The following MGAT4C variants were observed in gnomAD, a reference collection of about 807,000 sequenced individuals.
MGAT4C encodes the protein alpha-1,3-mannosyl-glycoprotein 4-beta-N-acetylglucosaminyltransferase C.
Under a neutral mutation model 40.1 loss-of-function variants are expected in MGAT4C, and 19 were observed. The observed-to-expected ratio is 0.47, with a 90% CI of 0.33 to 0.70. The LOEUF (loss-of-function observed/expected upper bound fraction) is 0.70, where lower values mean the gene tolerates loss of function less well. Among genes scored for constraint, MGAT4C ranks in the 30% least tolerant of loss-of-function variants. MGAT4C has a pLI of 0.02. For synonymous variants in MGAT4C, 181 were observed against 187.1 expected (o/e 0.97, Z 0.27); for missense variants, 491 against 563.2 (o/e 0.87, Z 1.30).
In MGAT4C at chr12:86,671,166, A is replaced by G. The variant is rs190214954; in HGVS notation, c.-229+56043T>C. On this transcript the variant is annotated intron_variant, in intron 2 of 7. Coordinates refer to the MGAT4C transcript ENST00000548651. ...ATTTATTTAATGAGTTTTCTGAAATAGGCGATTCTGATGATTCAGACAATT... is the reference window on the plus strand; with the variant it reads ...ATTTATTTAATGAGTTTTCTGAAATGGGCGATTCTGATGATTCAGACAATT... Among the ~76,000 whole-genome samples, 854 of 152,320 alleles carry G rather than the reference A, an allele frequency of 5.6e-3. 4 individuals carry two copies. Among genetic ancestry groups the G allele is most frequent in the Non-Finnish European group, 9.0e-3 (610 of 68,012 alleles).
In MGAT4C at chr12:85,969,968, G is replaced by T. The variant is rs1883541188; in HGVS notation, c.*9321C>A. On this transcript the variant is annotated 3_prime_UTR_variant, in exon 5 of 5. Transcript: ENST00000611864. Reference sequence around the variant, plus strand: ...GGAACATATTTATGTAGTAAGCATTGTTCTTGGCTGAGCTTACATTAAGTG... The same window carrying T: ...GGAACATATTTATGTAGTAAGCATTTTTCTTGGCTGAGCTTACATTAAGTG... The T allele has an allele frequency of 6.6e-6, 1 of 151,328 alleles. No individual in the cohort carries two copies. Among genetic ancestry groups the T allele is most frequent in the Non-Finnish European group, 1.5e-5 (1 of 67,492 alleles). 9.4% of individuals were successfully genotyped at this position (151,328 alleles called of 1,614,324 possible).
rs923020940 is a variant in MGAT4C, at chr12:86,439,432, T to A, written c.-228-4167A>T. ...TCTAAAAACTATTCAAAATGAATGATAACAGTGACACAAGTTATCAAAACC... is the reference window on the plus strand; with the variant it reads ...TCTAAAAACTATTCAAAATGAATGAAAACAGTGACACAAGTTATCAAAACC... On this transcript the variant is annotated intron_variant, in intron 2 of 7. Transcript: ENST00000548651. Among the ~76,000 whole-genome samples the A allele has an allele frequency of 9.2e-5, 14 of 152,064 alleles. 1 individual carries two copies. The highest frequency in any genetic ancestry group is 3.4e-4 in the African/African-American group (14 of 41,534).
rs1042691395 is a variant in MGAT4C, at chr12:85,966,616, A to C, written c.*12673T>G. On this transcript the variant is annotated 3_prime_UTR_variant, in exon 5 of 5. Coordinates refer to ENST00000611864, the MANE Select transcript of MGAT4C (RefSeq NM_001351288.2). The stretch of plus-strand genomic sequence containing the variant: ...CATGCACACGTATGTTTATTGCGGC[A>C]CTATTCACAATAGCAAAGACTTGGA... 4 of 152,172 alleles carry C rather than the reference A, an allele frequency of 2.6e-5. No homozygotes were observed. Among genetic ancestry groups the C allele is most frequent in the African/African-American group, 9.7e-5 (4 of 41,446 alleles). 9.4% of individuals were successfully genotyped at this position (152,172 alleles called of 1,614,324 possible).
In MGAT4C at chr12:86,036,723, A is replaced by G. The variant is rs1217877423; in HGVS notation, c.-7+12951T>C. ...CAGTATTTTATTGATTTTTGCATCA[A>G]TGTTCATCAGGGATATTGGCCTGGA... On this transcript the variant is annotated intron_variant, in intron 2 of 4. Transcript: ENST00000611864. 2.0e-5 allele frequency among the ~76,000 whole-genome samples: 3 copies of G among 150,012 alleles called. 1 individual carries two copies. Among genetic ancestry groups the G allele is most frequent in the Admixed American group, 6.7e-5 (1 of 14,972 alleles).
chr12:86,488,189 T>C (rs1344040062), intron 2 of MGAT4C, among the ~76,000 whole-genome samples: 1 of 151,234 alleles, frequency 6.6e-6, no homozygotes, highest in East Asian at 1.9e-4. Context: ...CATAGTGAAT[T>C]CTCAGTATGT....
chr12:86,488,505 T>C (rs1958069055), intron 2 of MGAT4C, among the ~76,000 whole-genome samples: 1 of 152,054 alleles, frequency 6.6e-6, no homozygotes, highest in Admixed American at 6.6e-5. Context: ...TACAATGTCC[T>C]AGATTTTGTT....
intron 3 of MGAT4C, among the ~76,000 whole-genome samples, chr12:86,395,217 G>T (rs1011092786): frequency 9.2e-5 from 14 of 152,064 alleles, no homozygotes; most frequent in African/African-American, 3.4e-4. Context: ...GATCTAATCA[G>T]TTTCTTTTGC....
intron 1 of MGAT4C, among the ~76,000 whole-genome samples, chr12:86,798,080 T>G (rs1952162753): frequency 6.6e-6 from 1 of 151,876 alleles, no homozygotes; most frequent in Admixed American, 6.6e-5. Flanking sequence ...TCACATAATA[T>G]ATTTTCCCTA....
At chr12:86,084,946 A>G (rs1001738569) in intron 1 of MGAT4C, among the ~76,000 whole-genome samples, 5 of 152,032 alleles carry the variant, frequency 3.3e-5, no homozygotes, top group Admixed American at 2.0e-4. Flanking sequence ...GAAAATAGTA[A>G]GAGAGGTAGT....
chr12:86,132,791 C>CAACAAAA (rs1881407942), intron 1 of MGAT4C, among the ~76,000 whole-genome samples: 1 of 93,730 alleles, frequency 1.1e-5, no homozygotes, highest in Non-Finnish European at 2.0e-5. Flanking sequence ...GACTCCGTCT[C>CAACAAAA]AAAAAAAAAA....
intron 2 of MGAT4C, among the ~76,000 whole-genome samples, chr12:86,038,232 T>C (rs1184443261): frequency 1.3e-5 from 2 of 149,834 alleles, no homozygotes; most frequent in Non-Finnish European, 3.0e-5. Flanking sequence ...CATGTTCTTC[T>C]AGTTTAAGCT....
chr12:86,469,208 C>T (rs546895666), intron 2 of MGAT4C, among the ~76,000 whole-genome samples: 2 of 152,142 alleles, frequency 1.3e-5, no homozygotes, highest in East Asian at 3.9e-4. Context: ...CTGTGTTAGG[C>T]AACTTCTAGA....
chr12:86,586,110 CCCA>C (rs1194619547), intron 2 of MGAT4C, among the ~76,000 whole-genome samples: 1 of 116,608 alleles, frequency 8.6e-6, no homozygotes, highest in Non-Finnish European at 1.7e-5. Context: ...CTCCCCCCAC[CCCA>C]CAACAGTCCC....
chr12:86,425,042 C>A (rs988515591), intron 3 of MGAT4C, among the ~76,000 whole-genome samples: 22 of 152,180 alleles, frequency 1.4e-4, no homozygotes, highest in African/African-American at 4.1e-4. Context: ...AGCCGTGAGT[C>A]ACTGTGCCCG....
At chr12:86,184,465 T>G (rs1410545180) in intron 1 of MGAT4C, among the ~76,000 whole-genome samples, 8 of 152,220 alleles carry the variant, frequency 5.3e-5, no homozygotes, top group African/African-American at 1.9e-4. Context: ...TTTACAGTTT[T>G]TATACTCCTT....
intron 2 of MGAT4C, among the ~76,000 whole-genome samples, chr12:86,602,291 G>T (rs1961813447): frequency 6.6e-6 from 1 of 152,128 alleles, no homozygotes; most frequent in South Asian, 2.1e-4. Context: ...TGGCCACAGA[G>T]GTTTGTGGCT....
At chr12:86,374,958 G>C (rs1481153805) in intron 3 of MGAT4C, among the ~76,000 whole-genome samples, 3 of 152,046 alleles carry the variant, frequency 2.0e-5, no homozygotes, top group South Asian at 4.1e-4. Context: ...GATAACTGAG[G>C]AGGAAATGAT....
rs1883078503 is a variant in MGAT4C at position 85,960,851 on chromosome 12, T to C, written c.*18438A>G. The C allele has an allele frequency of 6.6e-6, 1 of 151,988 alleles. No homozygotes were observed. The highest frequency in any genetic ancestry group is 2.4e-5 in the African/African-American group (1 of 41,442). 9.4% of individuals were successfully genotyped at this position (151,988 alleles called of 1,614,324 possible). On this transcript the variant is annotated 3_prime_UTR_variant, in exon 5 of 5. Coordinates refer to ENST00000611864, the MANE Select transcript of MGAT4C (RefSeq NM_001351288.2). ...AAATTCACTCTTACCACTGATTTGA[T>C]TGATACTGAGCCTGTAAATATTTAT...
At chr12:86,488,780 T>C (rs973575361) in intron 2 of MGAT4C, among the ~76,000 whole-genome samples, 1 of 152,184 alleles carries the variant, frequency 6.6e-6, no homozygotes. Context: ...TATCATATGA[T>C]TGAAGTTCTA....
Sources: allele counts gnomAD v4.1 joint callset (sites outside exome capture counted in the v4.1 genomes callset), GRCh38; gene constraint gnomAD v4.1.1; transcripts MANE v1.5; gene names NCBI Gene and HGNC (gene_info 2026-07-23, HGNC 2026-07-21).